The following INTS9 variants were observed in gnomAD, a reference collection of about 807,000 sequenced individuals.
The protein encoded by INTS9 is protein related to CPSF subunits of 74 kDa.
Under a neutral mutation model 79.7 loss-of-function variants are expected in INTS9, and 55 were observed. The ratio of observed to expected loss-of-function variants is 0.69; its 90% confidence interval spans 0.56 to 0.86. The LOEUF (loss-of-function observed/expected upper bound fraction) is 0.86, where lower values mean the gene tolerates loss of function less well. INTS9 is among the 40% of genes least tolerant of loss of function. The probability of loss-of-function intolerance (pLI) is 0.00; values close to 1 mark genes in which losing one functional copy is unlikely to be tolerated. For synonymous variants in INTS9, 319 were observed against 325.2 expected, an observed-to-expected ratio of 0.98 and a Z score of 0.20; for missense variants, 721 against 831.5, an observed-to-expected ratio of 0.87 and a Z score of 1.64.
intron 10 of INTS9, among the ~76,000 whole-genome samples, 162 bp from the exon 11 acceptor site, chr8:28,788,051 A>T (rs2130928697): frequency 6.6e-6 from 1 of 152,332 alleles, no homozygotes; most frequent in South Asian, 2.1e-4. Context: ...CAGAGAAGAG[A>T]TGTATCTTGT....
chr8:28,867,128 A>C (rs1007276756), intron 1 of INTS9, among the ~76,000 whole-genome samples: 2 of 151,494 alleles, frequency 1.3e-5, no homozygotes, highest in African/African-American at 4.9e-5. Flanking sequence ...CTCTACTAAA[A>C]TACAAAAAAT....
At chr8:28,771,343 T>C (rs1251803193) in intron 14 of INTS9, among the ~76,000 whole-genome samples, 1 of 151,976 alleles carries the variant, frequency 6.6e-6, no homozygotes, top group East Asian at 1.9e-4. Context: ...AGCATGGCGG[T>C]TGAGGGAGCT....
intron 6 of INTS9, among the ~76,000 whole-genome samples, chr8:28,830,378 A>T (rs1224671112): frequency 6.6e-6 from 1 of 152,170 alleles, no homozygotes; most frequent in Non-Finnish European, 1.5e-5. Flanking sequence ...TCATGCCTAT[A>T]ATCCCAGCAC....
At chr8:28,811,383 C>T (rs933531066) in intron 8 of INTS9, among the ~76,000 whole-genome samples, 1 of 151,998 alleles carries the variant, frequency 6.6e-6, no homozygotes, top group African/African-American at 2.4e-5. Flanking sequence ...CTTGGCTTCC[C>T]AAAGTGCTGG....
At chr8:28,883,177 T>G (rs1809990154) in intron 1 of INTS9, among the ~76,000 whole-genome samples, 1 of 152,350 alleles carries the variant, frequency 6.6e-6, no homozygotes, top group South Asian at 2.1e-4. Context: ...CAGCTGCCTC[T>G]CCAATCTGTC....
intron 13 of INTS9, 91 bp downstream of exon 13, chr8:28,777,738 C>G: frequency 7.1e-7 from 1 of 1,413,446 alleles, no homozygotes; most frequent in South Asian, 1.5e-5. Flanking sequence ...GAATCAAACA[C>G]AGCTAGATCT....
In INTS9 at chr8:28,836,906, C is replaced by T. The variant is rs184507691; in HGVS notation, c.401+731G>A. Among the ~76,000 whole-genome samples, 29 of 152,314 alleles carry T rather than the reference C, an allele frequency of 1.9e-4. No homozygotes were observed. In the East Asian group the frequency reaches 5.4e-3, roughly 28 times the overall value. Reference sequence around the variant, plus strand: ...AGTCTATAGCAATTCTTAAGTCTCACATTTTGGAACCTGACAGTTTCAACT... The same window carrying T: ...AGTCTATAGCAATTCTTAAGTCTCATATTTTGGAACCTGACAGTTTCAACT... On this transcript the variant is annotated intron_variant, in intron 5 of 16. Coordinates refer to ENST00000521022, the MANE Select transcript of INTS9 (RefSeq NM_018250.4).
At chr8:28,787,567 T>C (rs1469683096) in intron 11 of INTS9, among the ~76,000 whole-genome samples, 1 of 152,210 alleles carries the variant, frequency 6.6e-6, no homozygotes, top group Non-Finnish European at 1.5e-5. Context: ...CCAGTAAGTA[T>C]ATTCCCGAAT....
intron 9 of INTS9, among the ~76,000 whole-genome samples, chr8:28,796,006 T>C (rs895405027): frequency 1.3e-5 from 2 of 151,994 alleles, no homozygotes; most frequent in Non-Finnish European, 2.9e-5. Flanking sequence ...CAAATATTAG[T>C]GGGGAAAAAA....
chr8:28,837,527 T>C, intron 5 of INTS9, 110 bp downstream of exon 5: 2 of 1,200,204 alleles, frequency 1.7e-6, no homozygotes, highest in Non-Finnish European at 2.3e-6. Flanking sequence ...TTTGGGTTAG[T>C]TGTTCAGAAG....
chr8:28,856,517 G>C (rs1808170252), intron 2 of INTS9, among the ~76,000 whole-genome samples: 2 of 152,018 alleles, frequency 1.3e-5, no homozygotes, highest in African/African-American at 4.8e-5. Flanking sequence ...GACTCTCTGG[G>C]CTCAAGTGAT....
At chr8:28,780,385 CTACTT>C in intron 12 of INTS9, 1 of 985,216 alleles carries the variant, frequency 1.0e-6, no homozygotes, top group Non-Finnish European at 1.2e-6. Context: ...TGTAAACACT[CTACTT>C]GACCTTATCA....
At chr8:28,794,873 T>G (rs1804111129) in intron 9 of INTS9, among the ~76,000 whole-genome samples, 1 of 152,176 alleles carries the variant, frequency 6.6e-6, no homozygotes, top group East Asian at 1.9e-4. Flanking sequence ...GGACCCCACT[T>G]TGGGAGACTG....
chr8:28,871,665 C>T (rs926970823), intron 1 of INTS9, among the ~76,000 whole-genome samples: 2 of 152,100 alleles, frequency 1.3e-5, no homozygotes, highest in Non-Finnish European at 2.9e-5. Context: ...CTCGGCCTTC[C>T]AAAATGCTGG....
intron 6 of INTS9, among the ~76,000 whole-genome samples, chr8:28,830,267 A>G (rs957776184): frequency 6.6e-6 from 1 of 152,198 alleles, no homozygotes; most frequent in East Asian, 1.9e-4. Flanking sequence ...GCACTTTTAG[A>G]ACTCTGGTCC....
At chr8:28,796,495 A>G in intron 9 of INTS9, 49 bp downstream of exon 9, 2 of 1,027,362 alleles carry the variant, frequency 1.9e-6, no homozygotes, top group Non-Finnish European at 1.5e-6. Flanking sequence ...TTATTGTAAA[A>G]TAAATGCAAG....
chr8:28,829,757 G>A (rs149980028), intron 6 of INTS9, among the ~76,000 whole-genome samples: 1,654 of 152,246 alleles, frequency 0.011, 27 homozygotes, highest in African/African-American at 0.037. Flanking sequence ...CAGATCATAC[G>A]GGATTTGATT....
Position 28,780,896 on chromosome 8 carries a change from G to C in INTS9, c.1197C>G (p.Ser399=). 6.2e-7 allele frequency: 1 copy of C among 1,614,180 alleles called. No individual in the cohort carries two copies. Among genetic ancestry groups the C allele is most frequent in the South Asian group, 1.1e-5 (1 of 91,072 alleles). Residue 399 remains serine, a synonymous_variant, in exon 12 of 17, where the codon TCC becomes TCG. Coordinates refer to ENST00000521022, the MANE Select transcript of INTS9 (RefSeq NM_018250.4). ...QPCVVFTGHP[S]LRFGDVVHFM... Reference sequence around the variant, plus strand: ...AGTGGACCACGTCCCCGAAGCGGAGGGAAGGGTGCCCGGTGAACACCACAC... The same window carrying C: ...AGTGGACCACGTCCCCGAAGCGGAGCGAAGGGTGCCCGGTGAACACCACAC...
intron 6 of INTS9, among the ~76,000 whole-genome samples, chr8:28,828,790 C>T (rs1806300721): frequency 6.6e-6 from 1 of 152,072 alleles, no homozygotes; most frequent in Non-Finnish European, 1.5e-5. Flanking sequence ...CTTCCACCTC[C>T]CAGGTTCAAG....
Sources: allele counts gnomAD v4.1 joint callset (sites outside exome capture counted in the v4.1 genomes callset), GRCh38; gene constraint gnomAD v4.1.1; transcripts MANE v1.5; gene names NCBI Gene and HGNC (gene_info 2026-07-23, HGNC 2026-07-21).